Variants in LURAP1L observed in about 807,000 individuals in gnomAD.
LURAP1L encodes the protein leucine rich adaptor protein 1 like.
In LURAP1L, 12 loss-of-function variants were observed where a neutral mutation model predicts 13.8. The observed-to-expected ratio is 0.87, with a 90% CI of 0.56 to 1.41. The LOEUF (loss-of-function observed/expected upper bound fraction) is 1.41, where lower values mean the gene tolerates loss of function less well. Ranked by LOEUF, LURAP1L falls within the 40% of genes most tolerant of loss-of-function variation. The pLI, the probability that LURAP1L is intolerant of heterozygous loss-of-function variation, is 0.00. For missense variants in LURAP1L, 375 were observed against 292.9 expected, an observed-to-expected ratio of 1.28 and a Z score of -2.04; for synonymous variants, 139 against 119.2, an observed-to-expected ratio of 1.17 and a Z score of -1.08.
rs550330026 is a variant in LURAP1L, at chr9:12,793,165, C to T, written c.312+17138C>T. 1.4e-3 allele frequency among the ~76,000 whole-genome samples: 220 copies of T among 151,820 alleles called. 1 individual carries two copies. Among genetic ancestry groups the T allele is most frequent in the South Asian group, 4.2e-3 (20 of 4,800 alleles). On this transcript the variant is annotated intron_variant, in intron 1 of 1. Coordinates refer to ENST00000319264, the MANE Select transcript of LURAP1L (RefSeq NM_203403.2). Reference sequence around the variant, plus strand: ...GAAATTTCCCCTACTCTGTCTCATCCCCCTCCCTCCAATTATCATCCTTCA... The same window carrying T: ...GAAATTTCCCCTACTCTGTCTCATCTCCCTCCCTCCAATTATCATCCTTCA...
chr9:12,802,879 A>G (rs1035441955), intron 1 of LURAP1L, among the ~76,000 whole-genome samples: 11 of 152,150 alleles, frequency 7.2e-5, no homozygotes, highest in African/African-American at 2.7e-4. Context: ...TTAGCACAAA[A>G]TGAACATTTT....
At chr9:12,791,538 T>G (rs899633618) in intron 1 of LURAP1L, among the ~76,000 whole-genome samples, 2 of 151,982 alleles carry the variant, frequency 1.3e-5, no homozygotes, top group African/African-American at 2.4e-5. Flanking sequence ...AATTCCAGAC[T>G]TTACGTAAAA....
intron 1 of LURAP1L, among the ~76,000 whole-genome samples, chr9:12,811,141 A>G (rs1314476773): frequency 6.6e-6 from 1 of 152,192 alleles, no homozygotes; most frequent in African/African-American, 2.4e-5. Context: ...TCTCCTACTG[A>G]GGCCAACTCA....
intron 1 of LURAP1L, among the ~76,000 whole-genome samples, chr9:12,788,374 C>G (rs1027830815): frequency 4.6e-5 from 7 of 151,812 alleles, no homozygotes; most frequent in Non-Finnish European, 8.8e-5. Context: ...TCAAAAACAC[C>G]TTTAAAGTTA....
intron 1 of LURAP1L, among the ~76,000 whole-genome samples, chr9:12,781,962 G>A (rs570637329): frequency 6.6e-6 from 1 of 152,314 alleles, no homozygotes; most frequent in East Asian, 1.9e-4. Flanking sequence ...TAACTGGGGT[G>A]AGATAATATT....
intron 1 of LURAP1L, among the ~76,000 whole-genome samples, chr9:12,792,500 C>T (rs775852706): frequency 7.9e-5 from 12 of 152,058 alleles, no homozygotes; most frequent in Non-Finnish European, 1.6e-4. Context: ...TTGCAGCATA[C>T]ATTTAAATAC....
At chr9:12,792,024 G>C (rs1819447458) in intron 1 of LURAP1L, among the ~76,000 whole-genome samples, 1 of 152,108 alleles carries the variant, frequency 6.6e-6, no homozygotes, top group African/African-American at 2.4e-5. Flanking sequence ...AAGTGGGTCT[G>C]CCTAAAGCAT....
chr9:12,799,428 A>C (rs1819553976), intron 1 of LURAP1L, among the ~76,000 whole-genome samples: 1 of 152,246 alleles, frequency 6.6e-6, no homozygotes, highest in African/African-American at 2.4e-5. Context: ...TAAAATAAAA[A>C]TTAGGTAATG....
intron 1 of LURAP1L, among the ~76,000 whole-genome samples, chr9:12,803,927 C>A (rs1299454417): frequency 6.6e-6 from 1 of 152,162 alleles, no homozygotes; most frequent in African/African-American, 2.4e-5. Flanking sequence ...TGCATCATCA[C>A]AATATTCAAT....
chr9:12,822,122 T>A lies in LURAP1L; in HGVS notation c.*362T>A. 1 of 186,156 alleles carries A rather than the reference T, an allele frequency of 5.4e-6. No homozygotes were observed. The highest frequency in any genetic ancestry group is 1.1e-5 in the Non-Finnish European group (1 of 88,562). The allele number at this position is 186,156 out of a possible 1,614,324, so 11.5% of individuals were successfully genotyped here. On this transcript the variant is annotated 3_prime_UTR_variant, in exon 2 of 2. Coordinates refer to ENST00000319264, the MANE Select transcript of LURAP1L (RefSeq NM_203403.2). Reference sequence around the variant, plus strand: ...AATTTTACAATAAACCAAAGTCTGATAACAGTTAATGTTGCTGCTTGCGTC... The same window carrying A: ...AATTTTACAATAAACCAAAGTCTGAAAACAGTTAATGTTGCTGCTTGCGTC...
chr9:12,776,308 G>A (rs979947010), intron 1 of LURAP1L, among the ~76,000 whole-genome samples: 5 of 152,166 alleles, frequency 3.3e-5, no homozygotes, highest in African/African-American at 1.2e-4. Context: ...ACTGCGCCGG[G>A]CTCTATTTAG....
chr9:12,803,385 T>C (rs1485902133), intron 1 of LURAP1L, among the ~76,000 whole-genome samples: 1 of 152,182 alleles, frequency 6.6e-6, no homozygotes, highest in Non-Finnish European at 1.5e-5. Context: ...ATAGTACAGG[T>C]TAAGTTACTG....
At chr9:12,784,657 T>C (rs993559309) in intron 1 of LURAP1L, among the ~76,000 whole-genome samples, 6 of 152,176 alleles carry the variant, frequency 3.9e-5, no homozygotes, top group Admixed American at 3.3e-4. Context: ...AACACAGTAC[T>C]TGATGTCACC....
At chr9:12,786,568 A>ATATATATATATATATG (rs1819357081) in intron 1 of LURAP1L, among the ~76,000 whole-genome samples, 3 of 124,416 alleles carry the variant, frequency 2.4e-5, no homozygotes, top group African/African-American at 8.8e-5. Flanking sequence ...ATATATATAT[A>ATATATATATATATATG]TATATATATA....
intron 1 of LURAP1L, among the ~76,000 whole-genome samples, chr9:12,796,607 C>T (rs1586880493): frequency 6.6e-6 from 1 of 151,912 alleles, no homozygotes; most frequent in Non-Finnish European, 1.5e-5. Flanking sequence ...AATTTATAAG[C>T]TGGAGGAATA....
chr9:12,820,688 A>G (rs1221960372), intron 1 of LURAP1L, among the ~76,000 whole-genome samples: 1 of 152,060 alleles, frequency 6.6e-6, no homozygotes, highest in African/African-American at 2.4e-5. Flanking sequence ...CTAGTGTATC[A>G]CCCATCCTTT....
At chr9:12,776,104 GGA>G in intron 1 of LURAP1L, 77 bp downstream of exon 1, 2 of 1,438,712 alleles carry the variant, frequency 1.4e-6, no homozygotes, top group Non-Finnish European at 1.9e-6. Context: ...AATGGGGCTG[GGA>G]GAGAGGACGG....
intron 1 of LURAP1L, among the ~76,000 whole-genome samples, chr9:12,795,491 C>T (rs1472658947): frequency 7.2e-5 from 11 of 151,920 alleles, no homozygotes. Context: ...AATAGGATAG[C>T]TGTAGGTAGT....
chr9:12,806,183 T>G (rs1819653971), intron 1 of LURAP1L, among the ~76,000 whole-genome samples: 1 of 152,138 alleles, frequency 6.6e-6, no homozygotes, highest in South Asian at 2.1e-4. Flanking sequence ...AGGGAACATT[T>G]GTCAAAGATT....
Sources: allele counts gnomAD v4.1 joint callset (sites outside exome capture counted in the v4.1 genomes callset), GRCh38; gene constraint gnomAD v4.1.1; transcripts MANE v1.5; gene names NCBI Gene and HGNC (gene_info 2026-07-23, HGNC 2026-07-21).